Variants in RBFOX1 observed in about 807,000 individuals in gnomAD.
RBFOX1 encodes RNA binding protein fox-1 homolog 1.
A neutral mutation model predicts 57.7 loss-of-function variants in RBFOX1; 8 were observed. The observed-to-expected ratio is 0.14, with a 90% CI of 0.08 to 0.25. The LOEUF (loss-of-function observed/expected upper bound fraction) is 0.25, where lower values mean the gene tolerates loss of function less well. Ranked by LOEUF, RBFOX1 falls within the 10% of genes least tolerant of loss-of-function variation. The probability of loss-of-function intolerance (pLI) is 1.00; values close to 1 mark genes in which losing one functional copy is unlikely to be tolerated. For missense variants in RBFOX1, 611 were observed against 548.5 expected (o/e 1.11, Z -1.14); for synonymous variants, 326 against 222.4 (o/e 1.47, Z -4.15).
At chr16:6,302,634 C>T (rs61247448) in intron 1 of RBFOX1, among the ~76,000 whole-genome samples, 201 of 152,204 alleles carry the variant, frequency 1.3e-3, no homozygotes, top group African/African-American at 4.7e-3. Flanking sequence ...TGATTTTCCT[C>T]TTCTGAGGAT....
chr16:5,865,920 G>C (rs1449905879), intron 3 of RBFOX1, among the ~76,000 whole-genome samples: 1 of 151,926 alleles, frequency 6.6e-6, no homozygotes, highest in Non-Finnish European at 1.5e-5. Flanking sequence ...GAGAGAGGGA[G>C]AGAGGGAGAG....
At chr16:6,914,631 T>A (rs746175746) in intron 3 of RBFOX1, among the ~76,000 whole-genome samples, 3 of 151,830 alleles carry the variant, frequency 2.0e-5, no homozygotes, top group Non-Finnish European at 2.9e-5. Flanking sequence ...CGCAGCACTT[T>A]GGGAGGCTGA....
intron 1 of RBFOX1, among the ~76,000 whole-genome samples, chr16:6,296,439 G>C (rs1242416260): frequency 9.5e-6 from 1 of 105,440 alleles, no homozygotes; most frequent in African/African-American, 3.5e-5. Flanking sequence ...TTTTTTTTTC[G>C]AGGTGGAGTC....
chr16:5,595,007 A>G (rs28638422), intron 2 of RBFOX1, among the ~76,000 whole-genome samples: 16,299 of 146,658 alleles, frequency 0.11, 1,147 homozygotes, highest in East Asian at 0.33. Flanking sequence ...TTAGCCAGGT[A>G]TGGTGGTGGG....
rs1375385805 is a variant in RBFOX1, at chr16:7,109,114, T to A, written c.27+57016T>A. On this transcript the variant is annotated intron_variant, in intron 4 of 15. Transcript: ENST00000550418. ...TGAGGATGGAAAAAGAGCCACCTCT[T>A]TGAATTACTTTAAATATTTCCAAGG... Among the ~76,000 whole-genome samples the A allele has an allele frequency of 2.6e-5, 4 of 152,168 alleles. No individual in the cohort carries two copies. The East Asian group carries it at 7.7e-4, about 29-fold the overall frequency.
At chr16:7,234,125 A>C (rs2093648122) in intron 4 of RBFOX1, among the ~76,000 whole-genome samples, 1 of 152,168 alleles carries the variant, frequency 6.6e-6, no homozygotes, top group African/African-American at 2.4e-5. Flanking sequence ...CTATTCACAA[A>C]GGCCTGTTTT....
At chr16:6,537,906 A>T (rs1396525518) in intron 2 of RBFOX1, among the ~76,000 whole-genome samples, 3 of 151,956 alleles carry the variant, frequency 2.0e-5, no homozygotes, top group Admixed American at 6.6e-5. Context: ...AGCTGAATGG[A>T]AGAACCGGCC....
intron 3 of RBFOX1, among the ~76,000 whole-genome samples, chr16:7,014,865 C>T (rs183097074): frequency 1.4e-4 from 21 of 152,108 alleles, no homozygotes; most frequent in Non-Finnish European, 2.1e-4. Context: ...GCTGAGATTA[C>T]AGGCATGTGC....
At chr16:6,659,085 C>G (rs576464017) in intron 3 of RBFOX1, among the ~76,000 whole-genome samples, 23 of 152,018 alleles carry the variant, frequency 1.5e-4, no homozygotes, top group African/African-American at 5.1e-4. Context: ...ACCTGTGTTT[C>G]TGCTGGGGCA....
At chr16:7,119,114 G>A (rs1022931438) in intron 4 of RBFOX1, among the ~76,000 whole-genome samples, 6 of 152,136 alleles carry the variant, frequency 3.9e-5, no homozygotes, top group African/African-American at 1.2e-4. Flanking sequence ...CTAGGCAAGT[G>A]TTGCAATGTA....
chr16:5,493,313 C>A (rs1252931067), intron 2 of RBFOX1, among the ~76,000 whole-genome samples: 1 of 152,060 alleles, frequency 6.6e-6, no homozygotes. Context: ...CTCAAGCAAC[C>A]CTCCCACCTT....
In RBFOX1 at chr16:5,816,276, T is replaced by C. The variant is rs181343115; in HGVS notation, c.319-51027T>C. On this transcript the variant is annotated intron_variant, in intron 3 of 19. Coordinates refer to the RBFOX1 transcript ENST00000641259. ...TGGCTACCTATTCCTTCAAGCTCTC[T>C]TCCTCCCTCATCTAGGAAGATTCTC... Among the ~76,000 whole-genome samples the C allele has an allele frequency of 6.8e-4, 103 of 152,296 alleles. 1 individual carries two copies. Among genetic ancestry groups the C allele is most frequent in the African/African-American group, 2.2e-3 (93 of 41,568 alleles).
intron 2 of RBFOX1, among the ~76,000 whole-genome samples, chr16:6,520,685 C>T (rs764690140): frequency 1.1e-4 from 16 of 152,198 alleles, no homozygotes; most frequent in African/African-American, 3.6e-4. Context: ...AGGGCCTCAG[C>T]AGCAGGAACC....
At chr16:7,106,295 C>G (rs1183032992) in intron 4 of RBFOX1, among the ~76,000 whole-genome samples, 4 of 152,166 alleles carry the variant, frequency 2.6e-5, no homozygotes, top group Non-Finnish European at 5.9e-5. Flanking sequence ...CTAGAAATTA[C>G]TGTCATTCAT....
At chr16:7,103,080 A>AG (rs1391688591) in intron 4 of RBFOX1, among the ~76,000 whole-genome samples, 2 of 151,936 alleles carry the variant, frequency 1.3e-5, no homozygotes, top group Non-Finnish European at 2.9e-5. Flanking sequence ...TCAAAAAAAA[A>AG]AAATGCAACA....
chr16:5,983,969 T>G (rs1249027555), intron 4 of RBFOX1, among the ~76,000 whole-genome samples: 1 of 135,200 alleles, frequency 7.4e-6, no homozygotes, highest in Non-Finnish European at 1.6e-5. Flanking sequence ...TTCTTCCTTC[T>G]TCCTCTTCTT....
chr16:7,482,397 G>A (rs368168183), intron 4 of RBFOX1, among the ~76,000 whole-genome samples: 10 of 152,266 alleles, frequency 6.6e-5, no homozygotes, highest in Non-Finnish European at 8.8e-5. Flanking sequence ...TGATTGCTGC[G>A]TCAGGGCCAG....
Position 7,504,710 on chromosome 16 carries a change from TA to T in RBFOX1, c.28-13436del, listed in dbSNP as rs1487975569. ...AGCTCCTGTGGAGATGAAGTGAGAT[TA>T]TATATATATATATATATATATATAT... On this transcript the variant is annotated intron_variant, in intron 4 of 15. Coordinates refer to ENST00000550418, the MANE Select transcript of RBFOX1 (RefSeq NM_018723.4). 1.3e-3 allele frequency among the ~76,000 whole-genome samples: 4 copies of T among 3,144 alleles called. 1 individual carries two copies. The highest frequency in any genetic ancestry group is 3.9e-3 in the African/African-American group (4 of 1,026). The allele number at this position is 3,144 out of a possible 152,430, so 2.1% of individuals were successfully genotyped here.
chr16:5,640,324 C>T (rs1296363449), intron 3 of RBFOX1, among the ~76,000 whole-genome samples: 2 of 152,182 alleles, frequency 1.3e-5, no homozygotes, highest in African/African-American at 4.8e-5. Flanking sequence ...TGCACATGCA[C>T]ACAGAGACAC....
Sources: gnomAD v4.1 joint callset for allele counts (sites outside exome capture counted in the v4.1 genomes callset) on GRCh38, gnomAD v4.1.1 for gene constraint, MANE v1.5 for transcripts, NCBI Gene and HGNC (gene_info 2026-07-23, HGNC 2026-07-21) for gene names.